Variants in CACNA1C observed in about 807,000 individuals in gnomAD.
The protein encoded by CACNA1C is voltage-dependent L-type calcium channel subunit alpha-1C.
CACNA1C carries 30 observed loss-of-function variants against 229.0 expected under a neutral mutation model. That is an observed-to-expected ratio of 0.13 (90% CI 0.10 to 0.18). CACNA1C has a LOEUF of 0.18. CACNA1C is among the 10% of genes least tolerant of loss of function. The pLI is 1.00. For missense variants in CACNA1C, 1,658 were observed against 2,845.0 expected, an observed-to-expected ratio of 0.58 and a Z score of 9.49; for synonymous variants, 1,114 against 1,132.5, an observed-to-expected ratio of 0.98 and a Z score of 0.33.
chr12:2,397,517 C>G (rs1282332175), intron 3 of CACNA1C, among the ~76,000 whole-genome samples: 1 of 152,258 alleles, frequency 6.6e-6, no homozygotes. Context: ...CATTCAGACT[C>G]TCATTGCTCT....
At chr12:2,526,196 C>T (rs757789517) in intron 9 of CACNA1C, among the ~76,000 whole-genome samples, 2 of 152,168 alleles carry the variant, frequency 1.3e-5, no homozygotes, top group African/African-American at 2.4e-5. Flanking sequence ...AATTCTAAAA[C>T]CCTGGGGCAT....
chr12:2,394,038 G>A (rs965963124), intron 3 of CACNA1C, among the ~76,000 whole-genome samples: 1 of 151,640 alleles, frequency 6.6e-6, no homozygotes, highest in African/African-American at 2.4e-5. Context: ...CTAGGAGGTC[G>A]AGGCTGCAGT....
At chr12:2,006,355 C>T (rs1024300901) in intron 1 of CACNA1C, among the ~76,000 whole-genome samples, 3 of 152,058 alleles carry the variant, frequency 2.0e-5, no homozygotes, top group African/African-American at 7.2e-5. Flanking sequence ...TTGCAGTGAG[C>T]CGAGATCCTG....
chr12:2,300,068 T>C (rs2094436074), intron 3 of CACNA1C, among the ~76,000 whole-genome samples: 1 of 152,270 alleles, frequency 6.6e-6, no homozygotes, highest in South Asian at 2.1e-4. Flanking sequence ...TAAAAAATTC[T>C]GGCTGTGAAG....
Position 2,502,798 on chromosome 12 carries a change from C to G in CACNA1C, c.1114-2044C>G, listed in dbSNP as rs533400408. On this transcript the variant is annotated intron_variant, in intron 7 of 46. Coordinates refer to ENST00000399655, the MANE Select transcript of CACNA1C (RefSeq NM_000719.7). ...GCATGTGGCTGCTGAAGCTGCAAAG[C>G]CCAAGGGCTGAGGGTATTACTATCC... Among the ~76,000 whole-genome samples, 237 of 152,288 alleles carry G rather than the reference C, an allele frequency of 1.6e-3. 1 individual carries two copies. Among genetic ancestry groups the G allele is most frequent in the African/African-American group, 5.3e-3 (220 of 41,562 alleles).
intron 3 of CACNA1C, among the ~76,000 whole-genome samples, chr12:2,244,943 CCTT>C (rs1362541718): frequency 6.6e-5 from 10 of 152,204 alleles, no homozygotes; most frequent in Admixed American, 5.2e-4. Context: ...GAAGCCAAGG[CCTT>C]CTTGTCTGCT....
intron 1 of CACNA1C, among the ~76,000 whole-genome samples, chr12:2,066,880 C>CG (rs1306746747): frequency 1.3e-5 from 2 of 151,600 alleles, no homozygotes; most frequent in Non-Finnish European, 2.9e-5. Context: ...GGAGGGGCCT[C>CG]GGGCAGGGGT....
Position 2,053,684 on chromosome 12 carries a change from C to T in CACNA1C, c.49+73C>T. The T allele has an allele frequency of 1.4e-6, 2 of 1,468,900 alleles. No homozygotes were observed. Among genetic ancestry groups the T allele is most frequent in the South Asian group, 2.7e-5 (2 of 73,446 alleles). The allele number at this position is 1,468,900 out of a possible 1,614,324, so 91.0% of individuals were successfully genotyped here. A position where few individuals can be genotyped will look rare whatever the true frequency, so the allele number is the denominator to read the frequency against. On this transcript the variant is annotated intron_variant, in intron 1 of 46. Transcript: ENST00000399655. The surrounding 1 kb of genome is among the most constrained non-coding windows in gnomAD (Gnocchi z 5.8). ...CGGGTTCCTGCCCTACCCGCGCTCC[C>T]CGCGGCCCCGGGGCCGGTCCCTGCG...
Position 2,597,193 on chromosome 12 carries a change from C to G in CACNA1C, c.2794-37C>G, listed in dbSNP as rs750266592. The G allele has an allele frequency of 2.2e-6, 3 of 1,386,052 alleles. No homozygotes were observed. The highest frequency in any genetic ancestry group is 2.4e-5 in the South Asian group (2 of 85,044). 85.9% of individuals were successfully genotyped at this position (1,386,052 alleles called of 1,614,324 possible). A position where few individuals can be genotyped will look rare whatever the true frequency, so the allele number is the denominator to read the frequency against. ...TTCCCGTCCTGCTTTTCTCCCTTCC[C>G]CATCCCATCCCCACCCTGTTCCTTT... On this transcript the variant is annotated intron_variant, in intron 20 of 46. Coordinates refer to ENST00000399655, the MANE Select transcript of CACNA1C (RefSeq NM_000719.7). This position sits in a 1 kb window ranked among gnomAD's most constrained non-coding sequence, Gnocchi z 4.3.
intron 4 of CACNA1C, among the ~76,000 whole-genome samples, chr12:2,456,240 T>C (rs183697967): frequency 2.6e-5 from 4 of 152,292 alleles, no homozygotes; most frequent in African/African-American, 9.6e-5. Context: ...TTAAGGTAAA[T>C]CTGGTATCTA....
At chr12:2,478,036 G>A (rs187083293) in intron 5 of CACNA1C, among the ~76,000 whole-genome samples, 2 of 152,158 alleles carry the variant, frequency 1.3e-5, no homozygotes, top group Non-Finnish European at 1.5e-5. Context: ...TCTTAGGAAG[G>A]AGTGAAGTGC....
intron 3 of CACNA1C, among the ~76,000 whole-genome samples, chr12:2,397,859 G>C (rs1051219581): frequency 1.3e-5 from 2 of 152,230 alleles, no homozygotes; most frequent in African/African-American, 2.4e-5. Flanking sequence ...GTTAGCTCTC[G>C]GGCAGCTAGC....
intron 1 of CACNA1C, chr12:2,004,200 C>G: frequency 6.4e-7 from 1 of 1,571,248 alleles, no homozygotes; most frequent in Non-Finnish European, 8.6e-7. Context: ...CTCCCCCTCA[C>G]CGGGTCCTCA....
intron 3 of CACNA1C, among the ~76,000 whole-genome samples, chr12:2,362,138 C>T (rs2097574023): frequency 6.6e-6 from 1 of 152,158 alleles, no homozygotes; most frequent in Admixed American, 6.5e-5. Context: ...TGGTATGTCC[C>T]CCTGGCCACA....
In CACNA1C at chr12:2,651,590, A is replaced by G. The variant is rs1603344181; in HGVS notation, c.3946-50A>G. The G allele has an allele frequency of 1.2e-6, 2 of 1,609,002 alleles. No homozygotes were observed. The highest frequency in any genetic ancestry group is 2.2e-5 in the East Asian group (1 of 44,724). ...TTCTCGGAGGGGCCCTCCTGTTCTC[A>G]CCCCCCTCTTGCTGTGCTAACTGCA... On this transcript the variant is annotated intron_variant, in intron 31 of 46. Coordinates refer to ENST00000399655, the MANE Select transcript of CACNA1C (RefSeq NM_000719.7). The surrounding 1 kb of genome is among the most constrained non-coding windows in gnomAD (Gnocchi z 5.4).
chr12:2,218,195 C>T (rs1349878347), intron 3 of CACNA1C, among the ~76,000 whole-genome samples: 1 of 152,208 alleles, frequency 6.6e-6, no homozygotes, highest in Non-Finnish European at 1.5e-5. Flanking sequence ...TCTCCGTAGC[C>T]TCTCACTCCC....
intron 1 of CACNA1C, among the ~76,000 whole-genome samples, chr12:2,062,097 A>T (rs1358969223): frequency 1.3e-5 from 2 of 152,040 alleles, no homozygotes; most frequent in African/African-American, 4.8e-5. Flanking sequence ...ACCTTGTTCT[A>T]CCCCCAGCTC....
At chr12:2,457,787 T>C in intron 5 of CACNA1C, 81 bp downstream of exon 5, 1 of 1,239,694 alleles carries the variant, frequency 8.1e-7, no homozygotes, top group Non-Finnish European at 1.1e-6. Context: ...AAGAACACTC[T>C]GCAAAGGGAC....
At position 2,585,392 on chromosome 12, in the gene CACNA1C, A is replaced by C; in HGVS notation, c.2356A>C (p.Lys786Gln). The change falls in exon 17 of 47, where the codon AAG (lysine) becomes CAG (glutamine). Residue 786 changes from lysine (K) to glutamine (Q), a missense_variant. Lys to Gln is a moderately conservative substitution (Grantham distance 53). This residue lies in a region of CACNA1C where 121 missense variants were observed against 128.8 expected (regional missense o/e 0.94). Transcript: ENST00000399655. This position sits in a 1 kb window ranked among gnomAD's most constrained non-coding sequence, Gnocchi z 4.1. ...KKLARTASPE[K>Q]KQELVEKPAV... ...ACTGGCCAGGACTGCCAGCCCAGAG[A>C]AGAAACAAGAGTTGGTGGAGAAGCC... is the stretch of plus-strand genomic sequence containing the variant. 1 of 1,612,794 alleles carries C rather than the reference A, an allele frequency of 6.2e-7. No homozygotes were observed. The highest frequency in any genetic ancestry group is 8.5e-7 in the Non-Finnish European group (1 of 1,179,348).
Sources: allele counts gnomAD v4.1 joint callset (sites outside exome capture counted in the v4.1 genomes callset), GRCh38; gene constraint gnomAD v4.1.1; regional missense constraint gnomAD v4.1.1; non-coding constraint Gnocchi (gnomAD v3.1); transcripts MANE v1.5; gene names NCBI Gene and HGNC (gene_info 2026-07-23, HGNC 2026-07-21).